ADGRB3: variants seen among roughly 807,000 people sequenced by gnomAD.
ADGRB3 encodes the protein adhesion G protein-coupled receptor B3.
ADGRB3 carries 37 observed loss-of-function variants against 193.4 expected under a neutral mutation model. The observed-to-expected ratio is 0.19, with a 90% CI of 0.15 to 0.25. The LOEUF (loss-of-function observed/expected upper bound fraction) is 0.25, where lower values mean the gene tolerates loss of function less well. Among genes scored for constraint, ADGRB3 ranks in the 10% least tolerant of loss-of-function variants. ADGRB3 has a pLI of 1.00. For missense variants in ADGRB3, 1,637 were observed against 1,852.9 expected (o/e 0.88, Z 2.14); for synonymous variants, 690 against 644.2 (o/e 1.07, Z -1.08).
chr6:69,203,216 A>G (rs1765468357), intron 17 of ADGRB3, among the ~76,000 whole-genome samples: 1 of 152,182 alleles, frequency 6.6e-6, no homozygotes, highest in African/African-American at 2.4e-5. Context: ...TCATACCTTA[A>G]TCCTGGAAAG....
chr6:68,950,836 G>A (rs970383539), intron 6 of ADGRB3, among the ~76,000 whole-genome samples: 4 of 151,814 alleles, frequency 2.6e-5, no homozygotes, highest in Non-Finnish European at 5.9e-5. Flanking sequence ...TTCACAGTAC[G>A]CATTCTTGCC....
At chr6:68,761,345 CT>C (rs1456079321) in intron 3 of ADGRB3, among the ~76,000 whole-genome samples, 1 of 144,336 alleles carries the variant, frequency 6.9e-6, no homozygotes, top group Non-Finnish European at 1.5e-5. Context: ...TTGTCCCTTT[CT>C]TTTGACTCAC....
intron 20 of ADGRB3, among the ~76,000 whole-genome samples, chr6:69,276,690 G>A (rs1257671465): frequency 6.6e-6 from 1 of 152,142 alleles, no homozygotes; most frequent in Non-Finnish European, 1.5e-5. Context: ...TAAACGAACA[G>A]GGTGCAGATA....
chr6:69,181,981 C>T (rs1471800316), intron 17 of ADGRB3, among the ~76,000 whole-genome samples: 1 of 152,080 alleles, frequency 6.6e-6, no homozygotes, highest in Non-Finnish European at 1.5e-5. Flanking sequence ...TCAGTAGTTC[C>T]AATGAGAGGA....
At chr6:68,721,652 ATAT>A (rs1562005596) in intron 3 of ADGRB3, among the ~76,000 whole-genome samples, 50 of 144,818 alleles carry the variant, frequency 3.5e-4, no homozygotes, top group Non-Finnish European at 4.2e-4. Context: ...ATATATATAT[ATAT>A]AAATTATCAT....
At chr6:68,695,529 G>A (rs1013590201) in intron 3 of ADGRB3, among the ~76,000 whole-genome samples, 5 of 151,974 alleles carry the variant, frequency 3.3e-5, no homozygotes, top group Non-Finnish European at 5.9e-5. Context: ...CCAAGATGGC[G>A]TCAGGATGTA....
At chr6:69,101,763 C>T (rs1457177667) in intron 17 of ADGRB3, among the ~76,000 whole-genome samples, 1 of 151,942 alleles carries the variant, frequency 6.6e-6, no homozygotes, top group African/African-American at 2.4e-5. Flanking sequence ...AGTATCATCC[C>T]TGTTTTACAC....
intron 12 of ADGRB3, among the ~76,000 whole-genome samples, chr6:69,015,191 G>C (rs1770052959): frequency 6.6e-6 from 1 of 151,892 alleles, no homozygotes; most frequent in Non-Finnish European, 1.5e-5. Context: ...GGCTGCTAGA[G>C]ACTATTAATT....
chr6:69,172,643 C>CAAAAAAAAAAAAAAAAAAA (rs70987454), intron 17 of ADGRB3, among the ~76,000 whole-genome samples: 66 of 26,826 alleles, frequency 2.5e-3, no homozygotes, highest in East Asian at 5.3e-3. Context: ...GACTCTGTCT[C>CAAAAAAAAAAAAAAAAAAA]AAAAAAAAAA....
At chr6:69,352,210 C>T (rs1769240579) in intron 26 of ADGRB3, among the ~76,000 whole-genome samples, 1 of 152,264 alleles carries the variant, frequency 6.6e-6, no homozygotes, top group African/African-American at 2.4e-5. Flanking sequence ...ACTAATGTCT[C>T]TCTTTAGAAC....
intron 17 of ADGRB3, among the ~76,000 whole-genome samples, chr6:69,181,612 T>C (rs1775587101): frequency 6.6e-6 from 1 of 152,220 alleles, no homozygotes; most frequent in Admixed American, 6.5e-5. Flanking sequence ...ATATACATTA[T>C]CAAATAAACA....
At chr6:69,319,082 T>C (rs979183213) in intron 20 of ADGRB3, among the ~76,000 whole-genome samples, 34 of 151,208 alleles carry the variant, frequency 2.2e-4, no homozygotes, top group Non-Finnish European at 4.4e-4. Flanking sequence ...CTTGATTTCT[T>C]TAAGTAGCCC....
At chr6:69,253,261 T>G (rs1022827765) in intron 20 of ADGRB3, among the ~76,000 whole-genome samples, 2 of 152,118 alleles carry the variant, frequency 1.3e-5, no homozygotes, top group Non-Finnish European at 2.9e-5. Flanking sequence ...TTGCTTAATC[T>G]AGGTATTTTG....
intron 12 of ADGRB3, among the ~76,000 whole-genome samples, 181 bp from the exon 13 acceptor site, chr6:69,018,210 A>G (rs539422329): frequency 1.3e-5 from 2 of 152,044 alleles, no homozygotes; most frequent in South Asian, 4.1e-4. Context: ...AGTTCCTCCA[A>G]TGTGACACCT....
chr6:68,953,436 A>G (rs540772089), intron 6 of ADGRB3, among the ~76,000 whole-genome samples: 47 of 152,146 alleles, frequency 3.1e-4, no homozygotes, highest in Non-Finnish European at 4.9e-4. Context: ...ATCTCTTTTT[A>G]TAAACCCTTC....
intron 24 of ADGRB3, among the ~76,000 whole-genome samples, chr6:69,337,614 G>A (rs1390423418): frequency 6.6e-6 from 1 of 152,040 alleles, no homozygotes; most frequent in Non-Finnish European, 1.5e-5. Flanking sequence ...GACACATTTG[G>A]CAACTACATG....
At chr6:68,747,375 G>A (rs1320739938) in intron 3 of ADGRB3, among the ~76,000 whole-genome samples, 1 of 152,184 alleles carries the variant, frequency 6.6e-6, no homozygotes, top group African/African-American at 2.4e-5. Flanking sequence ...ATACCAAACA[G>A]TTATATAGCA....
intron 17 of ADGRB3, among the ~76,000 whole-genome samples, chr6:69,200,136 A>T (rs1430422709): frequency 6.6e-6 from 1 of 151,996 alleles, no homozygotes; most frequent in East Asian, 1.9e-4. Context: ...TAATTAAAAA[A>T]AAAACAGAGA....
intron 3 of ADGRB3, among the ~76,000 whole-genome samples, chr6:68,813,411 T>C (rs1405036776): frequency 6.6e-6 from 1 of 152,274 alleles, no homozygotes; most frequent in Non-Finnish European, 1.5e-5. Flanking sequence ...GGCTTGCAAG[T>C]GTTAGCTAAA....
Sources: allele counts gnomAD v4.1 joint callset (sites outside exome capture counted in the v4.1 genomes callset), GRCh38; gene constraint gnomAD v4.1.1; transcripts MANE v1.5; gene names NCBI Gene and HGNC (gene_info 2026-07-23, HGNC 2026-07-21).